Variants in LINGO1 observed in about 807,000 individuals in gnomAD.
The protein encoded by LINGO1 is leucine-rich repeat and immunoglobulin-like domain-containing nogo receptor-interacting protein 1.
Under a neutral mutation model 37.3 loss-of-function variants are expected in LINGO1, and 11 were observed. That is an observed-to-expected ratio of 0.29 (90% confidence interval 0.19 to 0.49). The LOEUF (loss-of-function observed/expected upper bound fraction) is 0.49. LINGO1 is among the 20% of genes least tolerant of loss of function. The pLI is 0.99. For synonymous variants in LINGO1, 387 were observed against 403.0 expected, an observed-to-expected ratio of 0.96 and a Z score of 0.48; for missense variants, 585 against 878.2, an observed-to-expected ratio of 0.67 and a Z score of 4.22.
At position 77,614,295 on chromosome 15, in the gene LINGO1, C is replaced by T. The variant is rs2073609125; in HGVS notation, c.1612G>A (p.Glu538Lys). Residue 538 changes from glutamate (E) to lysine (K), a missense_variant, in exon 2 of 2, where the codon GAG becomes AAG. By Grantham distance (56) the Glu-to-Lys change is moderately conservative. Coordinates refer to ENST00000355300, the MANE Select transcript of LINGO1 (RefSeq NM_032808.7). Reference protein sequence around the residue: ...TFAFISNQPGEGEANSTRATV... With the variant: ...TFAFISNQPGKGEANSTRATV... ...GCGCGGGTGCTGTTGGCCTCTCCCT[C>T]GCCCGGCTGGTTGGAGATGAAAGCG... The T allele has an allele frequency of 2.5e-6, 4 of 1,613,880 alleles. No individual in the cohort carries two copies. Among genetic ancestry groups the T allele is most frequent in the Non-Finnish European group, 1.7e-6 (2 of 1,179,904 alleles).
intron 2 of LINGO1, among the ~76,000 whole-genome samples, chr15:77,728,873 T>G (rs2076128676): frequency 1.3e-5 from 2 of 152,390 alleles, no homozygotes; most frequent in South Asian, 4.1e-4. Flanking sequence ...TGTAAATTGC[T>G]TAGCACAGTG....
At chr15:77,624,277 C>T (rs1489671436) in intron 1 of LINGO1, among the ~76,000 whole-genome samples, 2 of 151,882 alleles carry the variant, frequency 1.3e-5, no homozygotes, top group Non-Finnish European at 2.9e-5. Context: ...TCTCCTCCCC[C>T]ACTCCCCGGC....
chr15:77,687,848 G>A (rs1169355574), intron 2 of LINGO1, among the ~76,000 whole-genome samples: 1 of 152,230 alleles, frequency 6.6e-6, no homozygotes, highest in Non-Finnish European at 1.5e-5. Flanking sequence ...CACAGGGCCT[G>A]AAATCTCTTT....
At chr15:77,708,960 G>A (rs573973801) in intron 2 of LINGO1, among the ~76,000 whole-genome samples, 1 of 152,226 alleles carries the variant, frequency 6.6e-6, no homozygotes, top group Admixed American at 6.5e-5. Context: ...ACTCAGGGGA[G>A]GAGGCCACAT....
At chr15:77,616,138 G>A (rs2073712263) in intron 1 of LINGO1, among the ~76,000 whole-genome samples, 1 of 152,158 alleles carries the variant, frequency 6.6e-6, no homozygotes, top group African/African-American at 2.4e-5. Flanking sequence ...TTGGAATGGA[G>A]GGGCTCAGGG....
chr15:77,732,806 G>GC (rs1291758223), intron 2 of LINGO1, among the ~76,000 whole-genome samples: 1 of 152,276 alleles, frequency 6.6e-6, no homozygotes, highest in East Asian at 1.9e-4. Flanking sequence ...CGGCTCCCAT[G>GC]CCCCCCAGCA....
chr15:77,804,558 T>A (rs575295138), intron 1 of LINGO1, among the ~76,000 whole-genome samples: 22 of 152,190 alleles, frequency 1.4e-4, no homozygotes, highest in Non-Finnish European at 2.5e-4. Flanking sequence ...CTCAGACTCT[T>A]GGCCTCAGCT....
upstream of LINGO1, among the ~76,000 whole-genome samples, chr15:77,634,522 C>T (rs955724532): frequency 2.6e-5 from 4 of 152,182 alleles, no homozygotes; most frequent in African/African-American, 9.7e-5. Flanking sequence ...GAAGCCCAGG[C>T]CCAGAGAGGT....
At chr15:77,678,232 T>C (rs1270958461) in intron 2 of LINGO1, among the ~76,000 whole-genome samples, 1 of 152,246 alleles carries the variant, frequency 6.6e-6, no homozygotes, top group African/African-American at 2.4e-5. Context: ...GCACAGTCTA[T>C]GAGTTTTGAC....
chr15:77,787,910 G>A (rs1177661314), upstream of LINGO1: 1 of 152,172 alleles, frequency 6.6e-6, no homozygotes, highest in Non-Finnish European at 1.5e-5. Flanking sequence ...TAAATGCAAA[G>A]GCTAACAAAG....
chr15:77,809,966 T>C (rs1458633281), intron 1 of LINGO1, among the ~76,000 whole-genome samples: 3 of 152,088 alleles, frequency 2.0e-5, no homozygotes, highest in Non-Finnish European at 2.9e-5. Flanking sequence ...GGTGTCCTGA[T>C]GTCTCTGCCT....
At chr15:77,802,081 G>A (rs2141464468) in intron 1 of LINGO1, among the ~76,000 whole-genome samples, 1 of 152,316 alleles carries the variant, frequency 6.6e-6, no homozygotes, top group Admixed American at 6.5e-5. Flanking sequence ...GGAAAAGAGG[G>A]AGAAGCTGGG....
chr15:77,682,277 A>AGTGTGTGTGTGTGTGTGTGTGTGTGT (rs10581838), intron 2 of LINGO1, among the ~76,000 whole-genome samples: 34 of 139,920 alleles, frequency 2.4e-4, no homozygotes, highest in Admixed American at 5.7e-4. Context: ...TAGAGATTAA[A>AGTGTGTGTGTGTGTGTGTGTGTGTGT]GTGTGTGTGT....
chr15:77,786,490 G>A (rs749015920), intron 1 of LINGO1, among the ~76,000 whole-genome samples: 24 of 152,322 alleles, frequency 1.6e-4, no homozygotes, highest in Non-Finnish European at 2.9e-4. Flanking sequence ...GAGTGCCTGC[G>A]TGGCTATTTG....
At chr15:77,764,144 C>T (rs564875886) in intron 1 of LINGO1, among the ~76,000 whole-genome samples, 1 of 152,282 alleles carries the variant, frequency 6.6e-6, no homozygotes, top group East Asian at 1.9e-4. Context: ...ATTAATTATC[C>T]CACTCCTGAT....
intron 1 of LINGO1, among the ~76,000 whole-genome samples, chr15:77,694,253 A>C (rs1241751174): frequency 6.6e-6 from 1 of 152,064 alleles, no homozygotes; most frequent in East Asian, 1.9e-4. Context: ...CACAGATCAC[A>C]GAACGCTCCC....
intron 2 of LINGO1, among the ~76,000 whole-genome samples, chr15:77,704,693 G>T (rs565832855): frequency 7.0e-6 from 1 of 142,828 alleles, no homozygotes; most frequent in African/African-American, 2.6e-5. Context: ...TCACAGACTG[G>T]GCTCGGACCC....
intron 3 of LINGO1, among the ~76,000 whole-genome samples, chr15:77,662,777 T>C (rs115596753): frequency 0.012 from 1,876 of 152,332 alleles, 54 homozygotes; most frequent in African/African-American, 0.043. Context: ...CCTGTGCACA[T>C]GTGCCCTCAG....
At chr15:77,742,928 G>C (rs1189274934) in intron 1 of LINGO1, among the ~76,000 whole-genome samples, 1 of 152,230 alleles carries the variant, frequency 6.6e-6, no homozygotes, top group East Asian at 1.9e-4. Context: ...CACAGCCAGT[G>C]CATTTCCACG....
Sources: allele counts gnomAD v4.1 joint callset (sites outside exome capture counted in the v4.1 genomes callset), GRCh38; gene constraint gnomAD v4.1.1; transcripts MANE v1.5; gene names NCBI Gene and HGNC (gene_info 2026-07-23, HGNC 2026-07-21).